Variants in BIRC6 observed in about 807,000 individuals in gnomAD.
The protein encoded by BIRC6 is baculoviral IAP repeat containing 6.
BIRC6 carries 98 observed loss-of-function variants against 503.3 expected under a neutral mutation model. The ratio of observed to expected loss-of-function variants is 0.19; its 90% confidence interval spans 0.17 to 0.23. The LOEUF (loss-of-function observed/expected upper bound fraction) is 0.23, where lower values mean the gene tolerates loss of function less well. BIRC6 is among the 10% of genes least tolerant of loss of function. The pLI is 1.00. For missense variants in BIRC6, 5,360 were observed against 5,806.0 expected, an observed-to-expected ratio of 0.92 and a Z score of 2.50; for synonymous variants, 2,240 against 2,078.7, an observed-to-expected ratio of 1.08 and a Z score of -2.11.
At chr2:32,468,171 C>A in intron 28 of BIRC6, 60 bp downstream of exon 28, 2 of 1,497,198 alleles carry the variant, frequency 1.3e-6, no homozygotes, top group South Asian at 1.2e-5. Context: ...TAATGTCTTG[C>A]TTATAATTCT....
chr2:32,481,282 TAC>T (rs748498618), intron 37 of BIRC6, 36 bp from the exon 38 acceptor site: 2 of 1,481,078 alleles, frequency 1.4e-6, no homozygotes, highest in Admixed American at 4.5e-5. Flanking sequence ...TTTTATGTGA[TAC>T]ACTCCACCAA....
intron 41 of BIRC6, among the ~76,000 whole-genome samples, 177 bp downstream of exon 41, chr2:32,487,978 A>C (rs4524166): frequency 1 from 152,250 of 152,250 alleles, 76,125 homozygotes; most frequent in Non-Finnish European, 1. Context: ...CAATGATGGA[A>C]CATTGATAAT....
chr2:32,461,383 T>TGTGTGTGTGTGTGTGTGTG (rs1434874554), intron 23 of BIRC6, among the ~76,000 whole-genome samples: 1 of 149,018 alleles, frequency 6.7e-6, no homozygotes, highest in Admixed American at 6.7e-5. Context: ...TGTGTGTGTG[T>TGTGTGTGTGTGTGTGTGTG]TTAGTAGAGA....
intron 5 of BIRC6, among the ~76,000 whole-genome samples, chr2:32,393,922 C>G (rs1200987333): frequency 6.7e-6 from 1 of 149,394 alleles, no homozygotes; most frequent in Non-Finnish European, 1.5e-5. Context: ...TTCTGAACAT[C>G]TTTACTAAAA....
intron 71 of BIRC6, among the ~76,000 whole-genome samples, chr2:32,604,215 A>C (rs1573326582): frequency 6.6e-6 from 1 of 152,332 alleles, no homozygotes; most frequent in East Asian, 1.9e-4. Context: ...ATGTACAGAT[A>C]ACTTTACTGT....
At chr2:32,559,142 A>G (rs907893110) in intron 65 of BIRC6, among the ~76,000 whole-genome samples, 1 of 152,196 alleles carries the variant, frequency 6.6e-6, no homozygotes, top group African/African-American at 2.4e-5. Context: ...AAAATTGTTT[A>G]TTGGCATAAG....
chr2:32,362,277 A>G lies in BIRC6; in HGVS notation c.325+4791A>G, dbSNP rs35503718. On this transcript the variant is annotated intron_variant, in intron 1 of 73. Transcript: ENST00000421745. ...GACATGATGTTGAGCATCTTTTCAT[A>G]TGCTTATTTGTCTCTTTTTATATGT... Among the ~76,000 whole-genome samples the G allele has an allele frequency of 6.8e-3, 1,019 of 150,600 alleles. 3 individuals are homozygous for G. The highest frequency in any genetic ancestry group is 0.011 in the Non-Finnish European group (751 of 67,752).
chr2:32,399,144 G>A (rs929216656), intron 6 of BIRC6, among the ~76,000 whole-genome samples: 1 of 152,182 alleles, frequency 6.6e-6, no homozygotes, highest in African/African-American at 2.4e-5. Context: ...GGAGTGCAGT[G>A]GCGCGATCTT....
At chr2:32,403,964 G>T in intron 8 of BIRC6, among the ~76,000 whole-genome samples, 1 of 143,922 alleles carries the variant, frequency 6.9e-6, no homozygotes, top group Non-Finnish European at 1.5e-5. Flanking sequence ...GTCTCACCCT[G>T]TCGCCCAGGT....
intron 61 of BIRC6, among the ~76,000 whole-genome samples, chr2:32,531,971 T>G (rs2056797856): frequency 6.6e-6 from 1 of 152,206 alleles, no homozygotes; most frequent in Non-Finnish European, 1.5e-5. Flanking sequence ...TTTGGTGGTT[T>G]AAAAACATGA....
Position 32,500,168 on chromosome 2 carries a change from T to A in BIRC6, c.9031+59T>A, listed in dbSNP as rs2052983551. 25 of 1,404,224 alleles carry A rather than the reference T, an allele frequency of 1.8e-5. 1 individual carries two copies. The South Asian group carries it at 2.2e-4, about 12-fold the overall frequency. 87.0% of individuals were successfully genotyped at this position (1,404,224 alleles called of 1,614,324 possible). On this transcript the variant is annotated intron_variant, in intron 46 of 73. Transcript: ENST00000421745. Reference sequence around the variant, plus strand: ...TCTGATACTATAACTGGTTTTTTTTTAAGCAATATATGGATTCATTTTCTT... The same window carrying A: ...TCTGATACTATAACTGGTTTTTTTTAAAGCAATATATGGATTCATTTTCTT...
intron 66 of BIRC6, among the ~76,000 whole-genome samples, chr2:32,583,771 C>T (rs1300740617): frequency 1.3e-5 from 2 of 152,164 alleles, no homozygotes; most frequent in East Asian, 3.8e-4. Context: ...CACTCTGTCG[C>T]CCAGGCTGGA....
chr2:32,571,388 T>TTG (rs934855523), intron 65 of BIRC6, among the ~76,000 whole-genome samples: 2 of 145,418 alleles, frequency 1.4e-5, no homozygotes, highest in African/African-American at 5.1e-5. Flanking sequence ...CTTTTTTTTT[T>TTG]TTTTTTTTTT....
chr2:32,478,772 T>A lies in BIRC6; in HGVS notation c.7206T>A (p.Ala2402=). ...FNRGDISWGG[A]WAQYSLTCML... ...GAGGAGATATATCTTGGGGTGGTGC[T>A]TGGGCTCAGTATTCCTTAACTTGCA... Residue 2402 remains alanine, a synonymous_variant, in exon 36 of 74, where the codon GCT becomes GCA. Coordinates refer to ENST00000421745, the MANE Select transcript of BIRC6 (RefSeq NM_016252.4). 1 of 1,613,828 alleles carries A rather than the reference T, an allele frequency of 6.2e-7. No homozygotes were observed. Among genetic ancestry groups the A allele is most frequent in the East Asian group, 2.2e-5 (1 of 44,864 alleles).
intron 45 of BIRC6, among the ~76,000 whole-genome samples, chr2:32,494,799 A>G (rs1393685334): frequency 6.6e-6 from 1 of 152,086 alleles, no homozygotes; most frequent in Non-Finnish European, 1.5e-5. Context: ...AATCCCAGCT[A>G]CTGTGGAGCC....
In BIRC6 at chr2:32,453,889, A is replaced by G; in HGVS notation, c.4700A>G (p.His1567Arg). ...LTGLLEVEPL[H>R]FTCVSTSDGT... ...GGACTTTTGGAAGTTGAACCTCTGC[A>G]CTTTACTTGTGTGTCAACTAGTGAT... The change falls in exon 23 of 74, where the codon CAC becomes CGC. Residue 1567 changes from histidine to arginine, a missense_variant. Physicochemically the swap from His to Arg is conservative, Grantham distance 29. Transcript: ENST00000421745. 6.2e-7 allele frequency: 1 copy of G among 1,613,626 alleles called. No homozygotes were observed. The highest frequency in any genetic ancestry group is 2.2e-5 in the East Asian group (1 of 44,868).
At chr2:32,393,017 T>G (rs1306463280) in intron 5 of BIRC6, among the ~76,000 whole-genome samples, 1 of 152,086 alleles carries the variant, frequency 6.6e-6, no homozygotes, top group Non-Finnish European at 1.5e-5. Context: ...TGATGCATGT[T>G]TATTTCCAGT....
At position 32,595,207 on chromosome 2, in the gene BIRC6, G is replaced by C. The variant is rs201855707; in HGVS notation, c.13612+63G>C. The C allele has an allele frequency of 4.1e-3, 4,137 of 1,012,918 alleles. 7 individuals are homozygous for C. Among genetic ancestry groups the C allele is most frequent in the Non-Finnish European group, 5.5e-3 (3,757 of 685,744 alleles). 62.7% of individuals were successfully genotyped at this position (1,012,918 alleles called of 1,614,324 possible). A position where few individuals can be genotyped will look rare whatever the true frequency, so the allele number is the denominator to read the frequency against. On this transcript the variant is annotated intron_variant, in intron 68 of 73. Transcript: ENST00000421745. ...TCCATTTTTTTTTAACAGTGCTATT[G>C]AAATGTGTTTTAGCAAATTAAAGAT...
chr2:32,492,298 T>G (rs1485551339), intron 44 of BIRC6, among the ~76,000 whole-genome samples: 1 of 152,122 alleles, frequency 6.6e-6, no homozygotes, highest in Non-Finnish European at 1.5e-5. Context: ...GTACTAGACA[T>G]ACAGTATTTA....
Sources: gnomAD v4.1 joint callset for allele counts (sites outside exome capture counted in the v4.1 genomes callset) on GRCh38, gnomAD v4.1.1 for gene constraint, MANE v1.5 for transcripts, NCBI Gene and HGNC (gene_info 2026-07-23, HGNC 2026-07-21) for gene names.